Variants in GIGYF1 observed in about 807,000 individuals in gnomAD.
GIGYF1 encodes the protein GRB10 interacting GYF protein 1, also known as GRB10-interacting GYF protein 1.
Under a neutral mutation model 147.1 loss-of-function variants are expected in GIGYF1, and 84 were observed. That is an observed-to-expected ratio of 0.57 (90% confidence interval 0.48 to 0.68). GIGYF1 has a LOEUF of 0.68. Among genes scored for constraint, GIGYF1 ranks in the 30% least tolerant of loss-of-function variants. The pLI is 0.00. For missense variants in GIGYF1, 1,485 were observed against 1,393.7 expected, an observed-to-expected ratio of 1.07 and a Z score of -1.04; for synonymous variants, 752 against 589.5, an observed-to-expected ratio of 1.28 and a Z score of -3.99.
chr7:100,688,553 C>T (rs1805593267), intron 2 of GIGYF1, 38 bp from the exon 3 acceptor site: 5 of 604,720 alleles, frequency 8.3e-6, no homozygotes, highest in South Asian at 1.5e-5. Flanking sequence ...CGAGTCCTTT[C>T]GGCCTCAGCA....
chr7:100,692,487 TTC>T (rs1219507316), intron 1 of GIGYF1, among the ~76,000 whole-genome samples: 1 of 152,246 alleles, frequency 6.6e-6, no homozygotes, highest in Admixed American at 6.5e-5. Flanking sequence ...GCAAGCATTA[TTC>T]TGTGAGTTTG....
At position 100,686,716 on chromosome 7, in the gene GIGYF1, C is replaced by T. The variant is rs1353701630; in HGVS notation, c.627G>A (p.Glu209=). 4 of 1,613,238 alleles carry T rather than the reference C, an allele frequency of 2.5e-6. No homozygotes were observed. The highest frequency in any genetic ancestry group is 2.2e-5 in the East Asian group (1 of 44,836). Residue 209 remains glutamate (E), a synonymous_variant, in exon 10 of 27, where the codon GAG becomes GAA. Transcript: ENST00000678049. The stretch of plus-strand genomic sequence containing the variant: ...CTGCTCCGAGCCTCCAGCTGCCCTC[C>T]TCCTCCTCCTCCTGTTCCTCCCGTA... The part of the protein sequence containing the change: ...RSLREEQEEE[E]EGSWRLGAGP...
In GIGYF1 at chr7:100,680,766, A is replaced by T. The variant is rs2131361521; in HGVS notation, c.*953T>A. On this transcript the variant is annotated 3_prime_UTR_variant, in exon 27 of 27. Transcript: ENST00000678049. ...TCTCTCTGCAGCCTCTGGAGCAATCATCCACCCCCGCCGCTCACAGGGGTG... is the reference window on the plus strand; with the variant it reads ...TCTCTCTGCAGCCTCTGGAGCAATCTTCCACCCCCGCCGCTCACAGGGGTG... The T allele has an allele frequency of 6.5e-6, 1 of 152,854 alleles. No homozygotes were observed. Among genetic ancestry groups the T allele is most frequent in the Non-Finnish European group, 1.5e-5 (1 of 68,150 alleles). 9.5% of individuals were successfully genotyped at this position (152,854 alleles called of 1,614,324 possible).
At position 100,688,192 on chromosome 7, in the gene GIGYF1, C is replaced by T; in HGVS notation, c.35+12G>A. On this transcript the variant is annotated intron_variant, in intron 4 of 26. Transcript: ENST00000678049. Reference sequence around the variant, plus strand: ...TCGAATCTCCACGGCAGCCGAGGCACAAGTGACTCACCACTCAGGCCCAAA... The same window carrying T: ...TCGAATCTCCACGGCAGCCGAGGCATAAGTGACTCACCACTCAGGCCCAAA... 1 of 1,605,144 alleles carries T rather than the reference C, an allele frequency of 6.2e-7. No individual in the cohort carries two copies. The highest frequency in any genetic ancestry group is 8.5e-7 in the Non-Finnish European group (1 of 1,175,152).
At chr7:100,686,933 A>G in intron 9 of GIGYF1, 73 bp downstream of exon 9, 2 of 1,603,706 alleles carry the variant, frequency 1.2e-6, no homozygotes, top group South Asian at 2.2e-5. Context: ...CCTCCGAAAT[A>G]AGCACCCCCA....
chr7:100,681,916 G>A lies in GIGYF1; in HGVS notation c.3003C>T (p.Gly1001=). Reference sequence around the variant, plus strand: ...TCAGTGCCCGCCTCTTGGCCTTGCTGCCCTCCCCGGGGCCGAGTTTGGTGC... The same window carrying A: ...TCAGTGCCCGCCTCTTGGCCTTGCTACCCTCCCCGGGGCCGAGTTTGGTGC... ...NHSTKLGPGE[G]SKAKRRALML... is the part of the protein sequence containing the mutation. The change falls in exon 26 of 27, where the codon GGC becomes GGT. Residue 1001 remains glycine, a synonymous_variant. Transcript: ENST00000678049. 6.2e-7 allele frequency: 1 copy of A among 1,611,010 alleles called. No individual in the cohort carries two copies. The highest frequency in any genetic ancestry group is 8.5e-7 in the Non-Finnish European group (1 of 1,179,950).
rs1360990668 is a variant in GIGYF1, at chr7:100,684,043, C to T, written c.1845G>A (p.Gln615=). The change falls in exon 18 of 27, where the codon CAG becomes CAA. Residue 615 remains glutamine (Q), a synonymous_variant. Transcript: ENST00000678049. The part of the protein sequence containing the change: ...QQQQLTAFLQ[Q]LQALKPPRGG... ...ACCTGGGGGGTTTGAGCGCCTGGAGCTGCTGCAGGAATGCCGTGAGCTGCT... is the reference window on the plus strand; with the variant it reads ...ACCTGGGGGGTTTGAGCGCCTGGAGTTGCTGCAGGAATGCCGTGAGCTGCT... 1.2e-6 allele frequency: 2 copies of T among 1,605,500 alleles called. No individual in the cohort carries two copies. Among genetic ancestry groups the T allele is most frequent in the Non-Finnish European group, 1.7e-6 (2 of 1,179,376 alleles).
rs1267930256 is a variant in GIGYF1, at chr7:100,684,357, G to A, written c.1630-20C>T. Reference sequence around the variant, plus strand: ...GTTTCCCTGCTCAGGTGAGAGCTCGGCCAGTGCCCCCAGCAGGGAGGAGGG... The same window carrying A: ...GTTTCCCTGCTCAGGTGAGAGCTCGACCAGTGCCCCCAGCAGGGAGGAGGG... On this transcript the variant is annotated intron_variant, in intron 16 of 26. Coordinates refer to ENST00000678049, the MANE Select transcript of GIGYF1 (RefSeq NM_001375765.1). 2 of 1,594,112 alleles carry A rather than the reference G, an allele frequency of 1.3e-6. No homozygotes were observed. Among genetic ancestry groups the A allele is most frequent in the African/African-American group, 1.3e-5 (1 of 74,574 alleles).
intron 10 of GIGYF1, 27 bp downstream of exon 10, chr7:100,686,622 G>C (rs566409505): frequency 6.3e-7 from 1 of 1,591,960 alleles, no homozygotes; most frequent in South Asian, 1.1e-5. Flanking sequence ...CACTGCCCCC[G>C]CCAATGCTAC....
intron 1 of GIGYF1, among the ~76,000 whole-genome samples, chr7:100,692,515 T>A (rs1012495545): frequency 1.3e-5 from 2 of 152,258 alleles, no homozygotes; most frequent in Non-Finnish European, 2.9e-5. Flanking sequence ...ATTTTACATT[T>A]GTTAGACTTT....
chr7:100,681,591 A>C lies in GIGYF1; in HGVS notation c.*128T>G. 1.4e-6 allele frequency: 1 copy of C among 724,770 alleles called. No individual in the cohort carries two copies. Among genetic ancestry groups the C allele is most frequent in the East Asian group, 2.9e-5 (1 of 34,052 alleles). The allele number at this position is 724,770 out of a possible 1,614,324, so 44.9% of individuals were successfully genotyped here. On this transcript the variant is annotated 3_prime_UTR_variant, in exon 27 of 27. Coordinates refer to ENST00000678049, the MANE Select transcript of GIGYF1 (RefSeq NM_001375765.1). The stretch of plus-strand genomic sequence containing the variant: ...AGTTAAGGTGCATCGTGTGTTTGTA[A>C]CAAGTGCTGGGGACCCCGCCCCTGC...
rs753136891 is a variant in GIGYF1 at position 100,681,873 on chromosome 7, T to A, written c.3046A>T (p.Ser1016Cys). ...RRALMLHSDPSILGYSLHGSS... is the reference protein window; with the variant it reads ...RRALMLHSDPCILGYSLHGSS... ...CCCCAGCCCAGCTCACCCAGGATGCTGGGGTCTGAGTGCAGCATCAGTGCC... is the reference window on the plus strand; with the variant it reads ...CCCCAGCCCAGCTCACCCAGGATGCAGGGGTCTGAGTGCAGCATCAGTGCC... The change falls in exon 26 of 27, where the codon AGC becomes TGC. Residue 1016 changes from serine to cysteine, a missense_variant. By Grantham distance (112) the Ser-to-Cys change is moderately radical. Coordinates refer to ENST00000678049, the MANE Select transcript of GIGYF1 (RefSeq NM_001375765.1). The A allele has an allele frequency of 6.2e-7, 1 of 1,612,690 alleles. No individual in the cohort carries two copies. The highest frequency in any genetic ancestry group is 8.5e-7 in the Non-Finnish European group (1 of 1,179,886).
At position 100,685,403 on chromosome 7, in the gene GIGYF1, A is replaced by G; in HGVS notation, c.1133T>C (p.Leu378Pro). ...SPSPLPTLGP[L>P]WGTNGDGDET... ...GTCCCCATCCCCGTTTGTCCCCCAG[A>G]GTGGGCCCAGGGTGGGCAGTGGGGA... Residue 378 changes from leucine (L) to proline (P), a missense_variant, in exon 13 of 27, where the codon CTC becomes CCC. Physicochemically the swap from Leu to Pro is moderately conservative, Grantham distance 98. Transcript: ENST00000678049. The G allele has an allele frequency of 6.3e-7, 1 of 1,589,496 alleles. No homozygotes were observed.
Position 100,681,926 on chromosome 7 carries a change from G to A in GIGYF1, c.2993C>T (p.Pro998Leu). 6.2e-7 allele frequency: 1 copy of A among 1,610,584 alleles called. No homozygotes were observed. Among genetic ancestry groups the A allele is most frequent in the Non-Finnish European group, 8.5e-7 (1 of 1,179,940 alleles). The change falls in exon 26 of 27, where the codon CCC (proline) becomes CTC (leucine). Residue 998 changes from proline to leucine, a missense_variant. Physicochemically the swap from Pro to Leu is moderately conservative, Grantham distance 98. Coordinates refer to ENST00000678049, the MANE Select transcript of GIGYF1 (RefSeq NM_001375765.1). The stretch of plus-strand genomic sequence containing the variant: ...CCTCTTGGCCTTGCTGCCCTCCCCG[G>A]GGCCGAGTTTGGTGCTGTGGTTGGC... ...FQANHSTKLGPGEGSKAKRRA... is the reference protein window; with the variant it reads ...FQANHSTKLGLGEGSKAKRRA...
chr7:100,688,896 G>C lies in GIGYF1; in HGVS notation c.-439C>G, dbSNP rs932929122. 3.1e-5 allele frequency: 5 copies of C among 160,788 alleles called. No homozygotes were observed. The highest frequency in any genetic ancestry group is 1.2e-4 in the Admixed American group (2 of 16,028). The allele number at this position is 160,788 out of a possible 1,614,324, so 10.0% of individuals were successfully genotyped here. A position where few individuals can be genotyped will look rare whatever the true frequency, so the allele number is the denominator to read the frequency against. ...GTGTAGTGAAGAACTCGGGGAGGGA[G>C]GCAGCCGAGGCCAGGATGGACGTTC... On this transcript the variant is annotated 5_prime_UTR_variant, in exon 2 of 27. Transcript: ENST00000678049.
chr7:100,683,657 C>CGGCT (rs1805019515), intron 19 of GIGYF1, 25 bp from the exon 20 acceptor site: 1 of 1,608,314 alleles, frequency 6.2e-7, no homozygotes, highest in South Asian at 1.1e-5. Context: ...GGGGCAGAGG[C>CGGCT]GGCTGCAGGT....
chr7:100,684,172 G>C lies in GIGYF1; in HGVS notation c.1731-15C>G. 1 of 1,609,150 alleles carries C rather than the reference G, an allele frequency of 6.2e-7. No homozygotes were observed. The highest frequency in any genetic ancestry group is 1.1e-5 in the South Asian group (1 of 91,002). On this transcript the variant is annotated splice_polypyrimidine_tract_variant and intron_variant, in intron 17 of 26. Coordinates refer to ENST00000678049, the MANE Select transcript of GIGYF1 (RefSeq NM_001375765.1). ...GGAGCTGGCGGCTGCAAATGGGACA[G>C]TGGAGATGGTGGGCCACAGAGCCAG...
At position 100,681,252 on chromosome 7, in the gene GIGYF1, C is replaced by G. The variant is rs556155032; in HGVS notation, c.*467G>C. ...GGTAAGTATGGCCTTGGGGGCCAGG[C>G]AGGACAGGTCCACGGGGCCTGTGTC... On this transcript the variant is annotated 3_prime_UTR_variant, in exon 27 of 27. Coordinates refer to ENST00000678049, the MANE Select transcript of GIGYF1 (RefSeq NM_001375765.1). 6.6e-6 allele frequency: 1 copy of G among 152,326 alleles called. No individual in the cohort carries two copies. The highest frequency in any genetic ancestry group is 6.6e-5 in the Admixed American group (1 of 15,244). 9.4% of individuals were successfully genotyped at this position (152,326 alleles called of 1,614,324 possible).
chr7:100,688,591 C>A lies in GIGYF1; in HGVS notation c.-135+1G>T, dbSNP rs1805596102. ...GCAACCACCCTTGGCCCGGGGCTCA[C>A]CTGGCAGCCTGGCCCGGGAAGAAGG... On this transcript the variant is annotated splice_donor_variant, in intron 2 of 26. Coordinates refer to ENST00000678049, the MANE Select transcript of GIGYF1 (RefSeq NM_001375765.1). LOFTEE classifies it low-confidence loss of function (5UTR_SPLICE). The A allele has an allele frequency of 1.9e-6, 1 of 531,970 alleles. No individual in the cohort carries two copies. Among genetic ancestry groups the A allele is most frequent in the African/African-American group, 1.9e-5 (1 of 52,980 alleles). The allele number at this position is 531,970 out of a possible 1,614,324, so 33.0% of individuals were successfully genotyped here. A position where few individuals can be genotyped will look rare whatever the true frequency, so the allele number is the denominator to read the frequency against.
Sources: gnomAD v4.1 joint callset for allele counts (sites outside exome capture counted in the v4.1 genomes callset) on GRCh38, gnomAD v4.1.1 for gene constraint, MANE v1.5 for transcripts, NCBI Gene and HGNC (gene_info 2026-07-23, HGNC 2026-07-21) for gene names.